Variants in GABRD observed in about 807,000 individuals in gnomAD.
The protein encoded by GABRD is gamma-aminobutyric acid type A receptor subunit delta.
In GABRD, 25 loss-of-function variants were observed where a neutral mutation model predicts 47.3. That is an observed-to-expected ratio of 0.53 (90% confidence interval 0.39 to 0.74). The LOEUF is 0.74. Ranked by LOEUF, GABRD falls within the 30% of genes least tolerant of loss-of-function variation. The probability of loss-of-function intolerance (pLI) is 0.00; values close to 1 mark genes in which losing one functional copy is unlikely to be tolerated. For synonymous variants in GABRD, 314 were observed against 278.8 expected, an observed-to-expected ratio of 1.13 and a Z score of -1.26; for missense variants, 497 against 643.4, an observed-to-expected ratio of 0.77 and a Z score of 2.46.
rs79386457 is a variant in GABRD, at chr1:2,030,073, C to T, written c.1150C>T (p.Pro384Ser). 732 of 1,608,874 alleles carry T rather than the reference C, an allele frequency of 4.5e-4. 1 individual carries two copies. In the Middle Eastern group the frequency reaches 8.9e-3, roughly 20 times the overall value. Residue 384 changes from proline (P) to serine (S), a missense_variant, in exon 9 of 9, where the codon CCG becomes TCG. Pro to Ser is a moderately conservative substitution (Grantham distance 74). Around this residue, in one of 3 missense-constraint regions of GABRD, gnomAD observed 121 missense variants for 121.3 expected, o/e 1.00. Coordinates refer to ENST00000378585, the MANE Select transcript of GABRD (RefSeq NM_000815.5). ...CATCTCCCGCCGGCAGCGCCGCGTC[C>T]CGGGGAACCTGATGGGCTCCTACAG... Reference protein sequence around the residue: ...LAISRRQRRVPGNLMGSYRSV... With the variant: ...LAISRRQRRVSGNLMGSYRSV...
intron 4 of GABRD, 156 bp downstream of exon 4, chr1:2,025,894 A>G: frequency 1.6e-6 from 1 of 632,702 alleles, no homozygotes; most frequent in South Asian, 1.9e-5. Context: ...GGTTATTTAT[A>G]TCCCCCGCAG....
chr1:2,028,796 GA>G lies in GABRD; in HGVS notation c.692-312del. 1 of 426,954 alleles carries G rather than the reference GA, an allele frequency of 2.3e-6. No homozygotes were observed. 26.4% of individuals were successfully genotyped at this position (426,954 alleles called of 1,614,324 possible). A position where few individuals can be genotyped will look rare whatever the true frequency, so the allele number is the denominator to read the frequency against. On this transcript the variant is annotated intron_variant, in intron 6 of 8. Coordinates refer to ENST00000378585, the MANE Select transcript of GABRD (RefSeq NM_000815.5). The surrounding 1 kb of genome is among the most constrained non-coding windows in gnomAD (Gnocchi z 6.4). ...CTGTGCCCGCAGGAGTGTTAGGAGA[GA>G]AAGGGGTGAGCCCTCCCCATTGGTT... is the stretch of plus-strand genomic sequence containing the variant.
Position 2,025,673 on chromosome 1 carries a change from C to T in GABRD, c.405C>T (p.His135=), listed in dbSNP as rs61742636. The T allele has an allele frequency of 3.4e-3, 5,438 of 1,613,010 alleles. 16 individuals carry two copies. Among genetic ancestry groups the T allele is most frequent in the Non-Finnish European group, 4.1e-3 (4,897 of 1,180,006 alleles). Residue 135 remains histidine, a synonymous_variant, in exon 4 of 9, where the codon CAC becomes CAT. Coordinates refer to ENST00000378585, the MANE Select transcript of GABRD (RefSeq NM_000815.5). ...TGAACGCCAAGTCGGCCTGGTTCCA[C>T]GACGTGACGGTGGAGAACAAGCTCA... ...FIVNAKSAWF[H]DVTVENKLIR...
In GABRD at chr1:2,029,611, G is replaced by A. The variant is rs781426402; in HGVS notation, c.908G>A (p.Arg303Gln). Residue 303 changes from arginine (R) to glutamine (Q), a missense_variant, in exon 8 of 9, where the codon CGG becomes CAG. This residue lies in a region of GABRD where 285 missense variants were observed against 436.6 expected (regional missense o/e 0.65). Coordinates refer to ENST00000378585, the MANE Select transcript of GABRD (RefSeq NM_000815.5). ...LMVSARSSLP[R>Q]ASAIKALDVY... ...GTCAGTGCCCGCTCCTCCCTGCCAC[G>A]GGCATCAGCCATCAAGGCACTGGAC... The A allele has an allele frequency of 2.5e-6, 4 of 1,613,260 alleles. No individual in the cohort carries two copies. The highest frequency in any genetic ancestry group is 1.3e-5 in the African/African-American group (1 of 75,048).
In GABRD at chr1:2,019,493, T is replaced by C; in HGVS notation, c.68+2T>C. ...CGCGCAGCAGCTCCGCGGCACCAGG[T>C]GAGCGGGCGGGGTCCGCGCGGCGCG... On this transcript the variant is annotated splice_donor_variant, in intron 1 of 8. Coordinates refer to ENST00000378585, the MANE Select transcript of GABRD (RefSeq NM_000815.5). LOFTEE classifies it high-confidence loss of function. 1.0e-6 allele frequency: 1 copy of C among 979,748 alleles called. No individual in the cohort carries two copies. The highest frequency in any genetic ancestry group is 1.2e-6 in the Non-Finnish European group (1 of 819,328). 60.7% of individuals were successfully genotyped at this position (979,748 alleles called of 1,614,324 possible). A position where few individuals can be genotyped will look rare whatever the true frequency, so the allele number is the denominator to read the frequency against.
At position 2,025,640 on chromosome 1, in the gene GABRD, C is replaced by G. The variant is rs368774023; in HGVS notation, c.372C>G (p.Thr124=). The part of the protein sequence containing the change: ...RFVDKLWLPD[T]FIVNAKSAWF... ...TGGACAAGCTGTGGCTGCCCGACAC[C>G]TTCATCGTGAACGCCAAGTCGGCCT... The change falls in exon 4 of 9, where the codon ACC becomes ACG. Residue 124 remains threonine, a synonymous_variant. Transcript: ENST00000378585. The G allele has an allele frequency of 6.8e-6, 11 of 1,613,066 alleles. No homozygotes were observed. The highest frequency in any genetic ancestry group is 9.3e-6 in the Non-Finnish European group (11 of 1,180,018).
chr1:2,030,638 C>G lies in GABRD; in HGVS notation c.*356C>G. ...GGTCTTTGCTCTGCAGGATCGGGAT[C>G]AGAGCGTGGGAGGAGGTGGGGGTGG... On this transcript the variant is annotated 3_prime_UTR_variant, in exon 9 of 9. Coordinates refer to ENST00000378585, the MANE Select transcript of GABRD (RefSeq NM_000815.5). 4.9e-6 allele frequency: 1 copy of G among 204,320 alleles called. No individual in the cohort carries two copies. 12.7% of individuals were successfully genotyped at this position (204,320 alleles called of 1,614,324 possible). A position where few individuals can be genotyped will look rare whatever the true frequency, so the allele number is the denominator to read the frequency against.
rs1252480053 is a variant in GABRD at position 2,019,366 on chromosome 1, C to G, written c.-58C>G. The G allele has an allele frequency of 5.2e-6, 5 of 958,586 alleles. No homozygotes were observed. The highest frequency in any genetic ancestry group is 6.3e-6 in the Non-Finnish European group (5 of 799,602). 59.4% of individuals were successfully genotyped at this position (958,586 alleles called of 1,614,324 possible). A position where few individuals can be genotyped will look rare whatever the true frequency, so the allele number is the denominator to read the frequency against. On this transcript the variant is annotated 5_prime_UTR_variant, in exon 1 of 9. Transcript: ENST00000378585. ...GCTCAGCTCCCGCCCGCCTGTGCCG[C>G]CTGTGCGGCCGCCGGGAGCCAAGTT...
intron 1 of GABRD, among the ~76,000 whole-genome samples, chr1:2,021,457 G>T (rs564327984): frequency 6.0e-4 from 92 of 152,308 alleles, no homozygotes; most frequent in African/African-American, 2.0e-3. Context: ...CCTCAGTCTC[G>T]GGGTCCTTGT....
chr1:2,028,106 C>T lies in GABRD; in HGVS notation c.554-49C>T. 4 of 1,582,738 alleles carry T rather than the reference C, an allele frequency of 2.5e-6. No homozygotes were observed. The highest frequency in any genetic ancestry group is 3.4e-6 in the Non-Finnish European group (4 of 1,160,564). On this transcript the variant is annotated intron_variant, in intron 5 of 8. Transcript: ENST00000378585. This position sits in a 1 kb window ranked among gnomAD's most constrained non-coding sequence, Gnocchi z 6.4. ...TGGACGGAGCGCTCCTGCCAGGGCT[C>T]CCGGGGCAGGGCCGGGCTCTGCCGC...
intron 8 of GABRD, 45 bp from the exon 9 acceptor site, chr1:2,029,938 G>A (rs369452071): frequency 6.0e-5 from 96 of 1,602,246 alleles, no homozygotes; most frequent in Non-Finnish European, 8.0e-5. Flanking sequence ...CCTGGGAGCT[G>A]CACCCCAGTG....
At chr1:2,021,742 G>T (rs1372809331) in intron 1 of GABRD, among the ~76,000 whole-genome samples, 1 of 152,226 alleles carries the variant, frequency 6.6e-6, no homozygotes, top group Non-Finnish European at 1.5e-5. Context: ...GCGGTGCGCT[G>T]GTGGCGGTGC....
At chr1:2,025,849 TGGCG>T in intron 4 of GABRD, 111 bp downstream of exon 4, 3 of 940,110 alleles carry the variant, frequency 3.2e-6, no homozygotes, top group Non-Finnish European at 4.8e-6. Flanking sequence ...TGCCGGGAGC[TGGCG>T]GGCGGGCGGA....
In GABRD at chr1:2,030,321, G is replaced by A. The variant is rs761560871; in HGVS notation, c.*39G>A. 22 of 1,466,826 alleles carry A rather than the reference G, an allele frequency of 1.5e-5. No homozygotes were observed. The highest frequency in any genetic ancestry group is 2.2e-4 in the Middle Eastern group (1 of 4,512). The allele number at this position is 1,466,826 out of a possible 1,614,324, so 90.9% of individuals were successfully genotyped here. A position where few individuals can be genotyped will look rare whatever the true frequency, so the allele number is the denominator to read the frequency against. On this transcript the variant is annotated 3_prime_UTR_variant, in exon 9 of 9. Coordinates refer to ENST00000378585, the MANE Select transcript of GABRD (RefSeq NM_000815.5). ...GCCACCCTCGCTTGTCCTGGCGCCCGGCGGCAGCTGCCCAGAAACTTCCTG... is the reference window on the plus strand; with the variant it reads ...GCCACCCTCGCTTGTCCTGGCGCCCAGCGGCAGCTGCCCAGAAACTTCCTG...
rs554815044 is a variant in GABRD at position 2,029,093 on chromosome 1, C to A, written c.692-18C>A. 6.5e-7 allele frequency: 1 copy of A among 1,538,894 alleles called. No homozygotes were observed. The highest frequency in any genetic ancestry group is 2.4e-5 in the East Asian group (1 of 40,912). On this transcript the variant is annotated intron_variant, in intron 6 of 8. Transcript: ENST00000378585. Reference sequence around the variant, plus strand: ...GGCTGGGCAGGGATGGGGGCACTGACGGTGGCTGTCCTGGCAGCTGGCCAG... The same window carrying A: ...GGCTGGGCAGGGATGGGGGCACTGAAGGTGGCTGTCCTGGCAGCTGGCCAG...
chr1:2,028,305 C>A lies in GABRD; in HGVS notation c.691+13C>A, dbSNP rs544531983. The A allele has an allele frequency of 4.4e-6, 7 of 1,603,084 alleles. No individual in the cohort carries two copies. Among genetic ancestry groups the A allele is most frequent in the Admixed American group, 1.7e-5 (1 of 59,634 alleles). On this transcript the variant is annotated intron_variant, in intron 6 of 8. Transcript: ENST00000378585. This position sits in a 1 kb window ranked among gnomAD's most constrained non-coding sequence, Gnocchi z 6.4. ...AACTTCAAGTCCGGTAACATATGCC[C>A]GCCGCCCCTTCCGCATGTGCCCGCC...
In GABRD at chr1:2,028,285, C is replaced by T. The variant is rs558718893; in HGVS notation, c.684C>T (p.Phe228=). ...GCTTCACCACGGAGCTGATGAACTT[C>T]AAGTCCGGTAACATATGCCCGCCGC... is the stretch of plus-strand genomic sequence containing the variant. ...SYRFTTELMN[F]KSAGQFPRLS... The change falls in exon 6 of 9, where the codon TTC becomes TTT. Residue 228 remains phenylalanine (F), a synonymous_variant. Transcript: ENST00000378585. This position sits in a 1 kb window ranked among gnomAD's most constrained non-coding sequence, Gnocchi z 6.4. 6.1e-5 allele frequency: 98 copies of T among 1,611,028 alleles called. No individual in the cohort carries two copies. Among genetic ancestry groups the T allele is most frequent in the South Asian group, 2.7e-4 (25 of 90,942 alleles).
chr1:2,030,665 C>T lies in GABRD; in HGVS notation c.*383C>T, dbSNP rs923277611. On this transcript the variant is annotated 3_prime_UTR_variant, in exon 9 of 9. Coordinates refer to ENST00000378585, the MANE Select transcript of GABRD (RefSeq NM_000815.5). ...GAGCGTGGGAGGAGGTGGGGGTGGA[C>T]GTCCATCCGGTGAACAGTGAAGGCG... The T allele has an allele frequency of 6.5e-5, 12 of 185,416 alleles. No individual in the cohort carries two copies. The highest frequency in any genetic ancestry group is 2.6e-4 in the African/African-American group (11 of 42,706). The allele number at this position is 185,416 out of a possible 1,614,324, so 11.5% of individuals were successfully genotyped here.
intron 4 of GABRD, chr1:2,027,220 C>G: frequency 2.7e-6 from 1 of 372,868 alleles, no homozygotes; most frequent in Non-Finnish European, 5.1e-6. Flanking sequence ...TTGACCTCTC[C>G]TAGAAAATCA....
Sources: allele counts gnomAD v4.1 joint callset (sites outside exome capture counted in the v4.1 genomes callset), GRCh38; gene constraint gnomAD v4.1.1; regional missense constraint gnomAD v4.1.1; non-coding constraint Gnocchi (gnomAD v3.1); transcripts MANE v1.5; gene names NCBI Gene and HGNC (gene_info 2026-07-23, HGNC 2026-07-21).